Variants in PPP1R9A observed in about 807,000 individuals in gnomAD.
PPP1R9A encodes protein phosphatase 1 regulatory subunit 9A.
Under a neutral mutation model 141.9 loss-of-function variants are expected in PPP1R9A, and 59 were observed. That is an observed-to-expected ratio of 0.42 (90% CI 0.34 to 0.52). The LOEUF is 0.52. PPP1R9A is among the 20% of genes least tolerant of loss of function. The pLI is 0.10. For synonymous variants in PPP1R9A, 500 were observed against 569.7 expected (o/e 0.88, Z 1.74); for missense variants, 1,444 against 1,611.9 (o/e 0.90, Z 1.78).
At chr7:95,098,408 A>T (rs1181029183) in intron 2 of PPP1R9A, 2 of 152,206 alleles carry the variant, frequency 1.3e-5, no homozygotes, top group African/African-American at 2.4e-5. Context: ...TGTAAAAAAA[A>T]AAAAGACCAT....
At chr7:95,282,389 G>T (rs937494940) in intron 16 of PPP1R9A, among the ~76,000 whole-genome samples, 1 of 152,142 alleles carries the variant, frequency 6.6e-6, no homozygotes, top group African/African-American at 2.4e-5. Flanking sequence ...ACTCCAGAGA[G>T]ATTGACCTCT....
chr7:94,907,744 TCTC>T (rs1790907268), intron 1 of PPP1R9A, 42 bp downstream of exon 1: 1 of 151,478 alleles, frequency 6.6e-6, no homozygotes, highest in South Asian at 2.1e-4. Flanking sequence ...CCCCGCGGCC[TCTC>T]CTCCATTACA....
At chr7:95,170,521 C>T (rs902007678) in intron 5 of PPP1R9A, among the ~76,000 whole-genome samples, 2 of 151,196 alleles carry the variant, frequency 1.3e-5, no homozygotes, top group African/African-American at 4.8e-5. Flanking sequence ...GTACAGTGAA[C>T]CAAAGATGAG....
chr7:94,940,282 T>C (rs1240360240), intron 2 of PPP1R9A, among the ~76,000 whole-genome samples: 3 of 152,108 alleles, frequency 2.0e-5, no homozygotes, highest in Non-Finnish European at 4.4e-5. Context: ...CAGTGTCATA[T>C]AACCATCTCT....
intron 5 of PPP1R9A, among the ~76,000 whole-genome samples, chr7:95,180,657 C>G (rs562053134): frequency 2.6e-5 from 4 of 151,902 alleles, no homozygotes; most frequent in Non-Finnish European, 5.9e-5. Context: ...CCAGAATCTA[C>G]GACAATCTCA....
At chr7:95,247,659 G>C in intron 9 of PPP1R9A, 133 bp downstream of exon 9, 1 of 702,624 alleles carries the variant, frequency 1.4e-6, no homozygotes, top group Non-Finnish European at 2.3e-6. Context: ...CATTTTCACT[G>C]TCAGGTACGT....
Position 95,198,372 on chromosome 7 carries a change from C to A in PPP1R9A, c.1778C>A (p.Pro593Gln). 1 of 1,609,108 alleles carries A rather than the reference C, an allele frequency of 6.2e-7. No individual in the cohort carries two copies. The highest frequency in any genetic ancestry group is 8.5e-7 in the Non-Finnish European group (1 of 1,178,464). The change falls in exon 6 of 20, where the codon CCA (proline) becomes CAA (glutamine). Residue 593 changes from proline to glutamine, a missense_variant. By Grantham distance (76) the Pro-to-Gln change is moderately conservative. Transcript: ENST00000433360. ...AGATTTGTTATTGGGCGGGAAAAAC[C>A]AGGACAAGTGAGCGAGGTTGCCCAG... ...NVRFVIGREK[P>Q]GQVSEVAQLI...
intron 2 of PPP1R9A, among the ~76,000 whole-genome samples, chr7:95,063,331 A>G (rs1812500641): frequency 6.6e-6 from 1 of 152,168 alleles, no homozygotes; most frequent in Admixed American, 6.5e-5. Flanking sequence ...TAGGAGGCTG[A>G]GGCAGGAGGA....
At position 95,129,005 on chromosome 7, in the gene PPP1R9A, C is replaced by A. The variant is rs1350571953; in HGVS notation, c.1649+8173C>A. Among the ~76,000 whole-genome samples, 7 of 152,104 alleles carry A rather than the reference C, an allele frequency of 4.6e-5. No individual in the cohort carries two copies. In the East Asian group the frequency reaches 1.3e-3, roughly 29 times the overall value. ...AGGTCTTACGTTTAAATCTTTAATCCATCTGGAGTTAAATTTTTATATACA... is the reference window on the plus strand; with the variant it reads ...AGGTCTTACGTTTAAATCTTTAATCAATCTGGAGTTAAATTTTTATATACA... On this transcript the variant is annotated intron_variant, in intron 4 of 19. Transcript: ENST00000433360.
chr7:95,152,149 A>C (rs1350453338), intron 4 of PPP1R9A, among the ~76,000 whole-genome samples: 1 of 151,556 alleles, frequency 6.6e-6, no homozygotes, highest in Non-Finnish European at 1.5e-5. Context: ...ACGGGGTTTC[A>C]CCATGTTGGC....
chr7:95,095,118 G>T (rs996417108), intron 2 of PPP1R9A, among the ~76,000 whole-genome samples: 4 of 152,064 alleles, frequency 2.6e-5, no homozygotes, highest in African/African-American at 9.7e-5. Context: ...CACCTAACTG[G>T]TCCAGAAGTA....
At chr7:95,195,301 G>T (rs1444613531) in intron 5 of PPP1R9A, among the ~76,000 whole-genome samples, 2 of 148,764 alleles carry the variant, frequency 1.3e-5, no homozygotes, top group African/African-American at 4.9e-5. Flanking sequence ...TTTTTCTTGA[G>T]ACAGGGTCTT....
chr7:95,124,683 T>C (rs1823246543), intron 4 of PPP1R9A, among the ~76,000 whole-genome samples: 1 of 142,054 alleles, frequency 7.0e-6, no homozygotes, highest in African/African-American at 3.1e-5. Context: ...TATTATTGTT[T>C]TCTAGCTTTC....
At chr7:95,283,945 AG>A (rs1804774521) in intron 16 of PPP1R9A, 72 bp from the exon 17 acceptor site, 1 of 1,271,804 alleles carries the variant, frequency 7.9e-7, no homozygotes, top group Non-Finnish European at 1.1e-6. Flanking sequence ...AACTATATTC[AG>A]AGTCCTTGGG....
intron 7 of PPP1R9A, among the ~76,000 whole-genome samples, chr7:95,225,757 A>G (rs1233146566): frequency 3.3e-5 from 5 of 152,196 alleles, no homozygotes; most frequent in African/African-American, 7.2e-5. Context: ...ACGCACTTGT[A>G]TATGGCATAG....
chr7:95,215,286 A>G (rs1793103188), intron 7 of PPP1R9A, among the ~76,000 whole-genome samples: 3 of 151,954 alleles, frequency 2.0e-5, no homozygotes, highest in Admixed American at 2.0e-4. Flanking sequence ...CCATGTCCCA[A>G]CAAAGGACAT....
rs149598339 is a variant in PPP1R9A at position 95,097,402 on chromosome 7, A to G, written c.1396-13857A>G. Among the ~76,000 whole-genome samples the G allele has an allele frequency of 8.8e-5, 12 of 135,678 alleles. No individual in the cohort carries two copies. The East Asian group carries it at 1.7e-3, about 20-fold the overall frequency. The allele number at this position is 135,678 out of a possible 152,430, so 89.0% of individuals were successfully genotyped here. On this transcript the variant is annotated intron_variant, in intron 2 of 19. Transcript: ENST00000433360. ...TAATAAGGATTTGAAGTAAGAATCAATGGCTCAAAAGAGAGAGAAAGTATG... is the reference window on the plus strand; with the variant it reads ...TAATAAGGATTTGAAGTAAGAATCAGTGGCTCAAAAGAGAGAGAAAGTATG...
chr7:95,231,058 GA>G (rs1795851201), intron 8 of PPP1R9A, among the ~76,000 whole-genome samples: 1 of 151,964 alleles, frequency 6.6e-6, no homozygotes, highest in Non-Finnish European at 1.5e-5. Context: ...TAAAGGGGTG[GA>G]AAAAGATACC....
chr7:95,166,853 T>G (rs1266919015), intron 5 of PPP1R9A, among the ~76,000 whole-genome samples: 1 of 152,126 alleles, frequency 6.6e-6, no homozygotes, highest in Non-Finnish European at 1.5e-5. Flanking sequence ...CAAGAATGGC[T>G]CAACATATGC....
Sources: gnomAD v4.1 joint callset for allele counts (sites outside exome capture counted in the v4.1 genomes callset) on GRCh38, gnomAD v4.1.1 for gene constraint, MANE v1.5 for transcripts, NCBI Gene and HGNC (gene_info 2026-07-23, HGNC 2026-07-21) for gene names.